Variants in USP32 observed in about 807,000 individuals in gnomAD.
USP32 encodes the protein ubiquitin carboxyl-terminal hydrolase 32.
A neutral mutation model predicts 204.8 loss-of-function variants in USP32; 59 were observed. That is an observed-to-expected ratio of 0.29 (90% CI 0.23 to 0.36). USP32 has a LOEUF of 0.36. Ranked by LOEUF, USP32 falls within the 10% of genes least tolerant of loss-of-function variation. The pLI is 1.00. For missense variants in USP32, 1,160 were observed against 1,946.4 expected (o/e 0.60, Z 7.60); for synonymous variants, 517 against 678.4 (o/e 0.76, Z 3.70).
At position 60,257,053 on chromosome 17, in the gene USP32, G is replaced by A. The variant is rs117879909; in HGVS notation, c.991-1795C>T. 3.4e-3 allele frequency: 753 copies of A among 224,058 alleles called. 13 individuals are homozygous for A. Among genetic ancestry groups the A allele is most frequent in the East Asian group, 0.015 (93 of 6,202 alleles). The allele number at this position is 224,058 out of a possible 1,614,324, so 13.9% of individuals were successfully genotyped here. ...GCTGTGACATAATGGAGTTGATAAC[G>A]TTACCAAGCAAAGGAGGCTTGCTGC... On this transcript the variant is annotated intron_variant, in intron 9 of 33. Transcript: ENST00000300896.
At chr17:60,402,121 C>A (rs983699231) in intron 1 of USP32, among the ~76,000 whole-genome samples, 1 of 152,078 alleles carries the variant, frequency 6.6e-6, no homozygotes, top group Non-Finnish European at 1.5e-5. Flanking sequence ...ATTAGCTGCA[C>A]CCAATTTTGC....
At chr17:60,290,697 T>C (rs899547864) in intron 4 of USP32, among the ~76,000 whole-genome samples, 1 of 151,866 alleles carries the variant, frequency 6.6e-6, no homozygotes, top group Non-Finnish European at 1.5e-5. Context: ...TGCTAATGAA[T>C]GGACCCCACA....
At position 60,208,594 on chromosome 17, in the gene USP32, G is replaced by A. The variant is rs1187780784; in HGVS notation, c.2773+60C>T. On this transcript the variant is annotated intron_variant, in intron 23 of 33. Coordinates refer to ENST00000300896, the MANE Select transcript of USP32 (RefSeq NM_032582.4). ...CAAATAACTATGCTTACAAATTCAG[G>A]CTATTTAAATAAAGTAAATTTAATG... 31 of 1,446,622 alleles carry A rather than the reference G, an allele frequency of 2.1e-5. No individual in the cohort carries two copies. The East Asian group carries it at 7.2e-4, about 34-fold the overall frequency. The allele number at this position is 1,446,622 out of a possible 1,614,324, so 89.6% of individuals were successfully genotyped here. A position where few individuals can be genotyped will look rare whatever the true frequency, so the allele number is the denominator to read the frequency against.
intron 2 of USP32, among the ~76,000 whole-genome samples, chr17:60,328,420 C>T (rs1192450715): frequency 6.6e-6 from 1 of 152,178 alleles, no homozygotes; most frequent in Non-Finnish European, 1.5e-5. Context: ...GCTGAACACT[C>T]TTCAGGATAC....
chr17:60,247,687 T>G (rs117491574), intron 11 of USP32, among the ~76,000 whole-genome samples: 9,371 of 151,434 alleles, frequency 0.062, 363 homozygotes, highest in East Asian at 0.11. Flanking sequence ...GTTTTTTTTT[T>G]GTTTGTTTGT....
chr17:60,272,859 C>A (rs754622278), intron 5 of USP32, among the ~76,000 whole-genome samples: 2 of 152,150 alleles, frequency 1.3e-5, no homozygotes, highest in African/African-American at 2.4e-5. Context: ...CAAGAAAGGG[C>A]TCCAGAAATC....
At chr17:60,184,667 G>A (rs1405103100) in intron 30 of USP32, among the ~76,000 whole-genome samples, 1 of 151,796 alleles carries the variant, frequency 6.6e-6, no homozygotes, top group Non-Finnish European at 1.5e-5. Flanking sequence ...AAATTAGCCG[G>A]GTGGTAGTGG....
intron 5 of USP32, among the ~76,000 whole-genome samples, chr17:60,272,120 T>G (rs2086737554): frequency 6.6e-6 from 1 of 152,234 alleles, no homozygotes; most frequent in Non-Finnish European, 1.5e-5. Context: ...CAGCCATTTT[T>G]GTTTATTTTC....
intron 2 of USP32, among the ~76,000 whole-genome samples, chr17:60,341,705 C>T (rs919426868): frequency 1.3e-5 from 2 of 152,178 alleles, no homozygotes; most frequent in Non-Finnish European, 2.9e-5. Context: ...GCTATTGAAA[C>T]TTGTGCATGC....
At chr17:60,355,853 G>A (rs899558520) in intron 1 of USP32, among the ~76,000 whole-genome samples, 30 of 7,532 alleles carry the variant, frequency 4.0e-3, no homozygotes, top group African/African-American at 5.2e-3. Context: ...AAAAGAGAGA[G>A]AAAGAAAAAA....
At chr17:60,279,950 C>T (rs2086929346) in intron 5 of USP32, among the ~76,000 whole-genome samples, 1 of 151,138 alleles carries the variant, frequency 6.6e-6, no homozygotes, top group Admixed American at 6.6e-5. Flanking sequence ...TGTATTAAAC[C>T]ATAAACACTT....
chr17:60,283,558 A>G (rs1178207260), intron 5 of USP32, among the ~76,000 whole-genome samples: 1 of 152,210 alleles, frequency 6.6e-6, no homozygotes, highest in Non-Finnish European at 1.5e-5. Flanking sequence ...GTTAAGATGG[A>G]TAGAATCTAA....
At chr17:60,374,739 T>C (rs938355231) in intron 1 of USP32, among the ~76,000 whole-genome samples, 17 of 152,272 alleles carry the variant, frequency 1.1e-4, no homozygotes, top group African/African-American at 3.9e-4. Flanking sequence ...GTATAGTAAA[T>C]GACTACATAA....
At position 60,181,624 on chromosome 17, in the gene USP32, G is replaced by T; in HGVS notation, c.4248C>A (p.Ser1416Arg). The change falls in exon 32 of 34, where the codon AGC (serine) becomes AGA (arginine). Residue 1416 changes from serine (S) to arginine (R), a missense_variant. Ser to Arg is a moderately radical substitution (Grantham distance 110). Around this residue, in one of 8 missense-constraint regions of USP32, gnomAD observed 244 missense variants for 342.3 expected, o/e 0.71. Coordinates refer to ENST00000300896, the MANE Select transcript of USP32 (RefSeq NM_032582.4). ...KGRLRLPQIG[S>R]KNKLSSSKEN... ...CTTTACTACTTGACAGTTTATTTTT[G>T]CTGCCAATCTGGGGCAGCCGGAGCC... 6.2e-7 allele frequency: 1 copy of T among 1,613,948 alleles called. No homozygotes were observed. The highest frequency in any genetic ancestry group is 8.5e-7 in the Non-Finnish European group (1 of 1,179,854).
intron 1 of USP32, among the ~76,000 whole-genome samples, chr17:60,354,058 C>A (rs1204845639): frequency 6.6e-6 from 1 of 152,156 alleles, no homozygotes; most frequent in Admixed American, 6.5e-5. Context: ...GTGTGAAATG[C>A]ATGAAATTAA....
chr17:60,334,183 AAT>A (rs1374143430), intron 2 of USP32, among the ~76,000 whole-genome samples: 1 of 152,158 alleles, frequency 6.6e-6, no homozygotes, highest in African/African-American at 2.4e-5. Flanking sequence ...ATAGTATTAT[AAT>A]ATATATTACA....
chr17:60,222,875 T>A (rs1213633636), intron 14 of USP32, among the ~76,000 whole-genome samples: 1 of 151,744 alleles, frequency 6.6e-6, no homozygotes, highest in Non-Finnish European at 1.5e-5. Context: ...AGAGACGGGG[T>A]TTCACCATGT....
chr17:60,196,756 T>G (rs187203023), intron 27 of USP32, among the ~76,000 whole-genome samples: 1 of 150,452 alleles, frequency 6.6e-6, no homozygotes, highest in South Asian at 2.1e-4. Flanking sequence ...ACCCAGGAGG[T>G]GGAGGTTGCG....
Position 60,177,987 on chromosome 17 carries a change from AAAT to A in USP32, c.*1265_*1267del, listed in dbSNP as rs1244845734. ...ACACGAAAAAAATGCTACCTGAAATAAATAATATTTATACTTTTGTTCCAGTCT... is the reference window on the plus strand; with the variant it reads ...ACACGAAAAAAATGCTACCTGAAATAAATATTTATACTTTTGTTCCAGTCT... On this transcript the variant is annotated 3_prime_UTR_variant, in exon 34 of 34. Transcript: ENST00000300896. Among the ~76,000 whole-genome samples, 5 of 152,224 alleles carry A rather than the reference AAAT, an allele frequency of 3.3e-5. No homozygotes were observed. The highest frequency in any genetic ancestry group is 1.2e-4 in the African/African-American group (5 of 41,476).
Sources: allele counts gnomAD v4.1 joint callset (sites outside exome capture counted in the v4.1 genomes callset), GRCh38; gene constraint gnomAD v4.1.1; regional missense constraint gnomAD v4.1.1; transcripts MANE v1.5; gene names NCBI Gene and HGNC (gene_info 2026-07-23, HGNC 2026-07-21).